ZBTB10: variants seen among roughly 807,000 people sequenced by gnomAD.
ZBTB10 encodes zinc finger and BTB domain-containing protein 10.
ZBTB10 carries 32 observed loss-of-function variants against 76.4 expected under a neutral mutation model. That is an observed-to-expected ratio of 0.42 (90% CI 0.32 to 0.56). ZBTB10 has a LOEUF of 0.56. Ranked by LOEUF, ZBTB10 falls within the 20% of genes least tolerant of loss-of-function variation. ZBTB10 has a pLI of 0.14. For missense variants in ZBTB10, 1,057 were observed against 1,098.5 expected (o/e 0.96, Z 0.53); for synonymous variants, 523 against 432.9 (o/e 1.21, Z -2.58).
At chr8:80,502,735 CAG>C (rs1815956290) in intron 2 of ZBTB10, among the ~76,000 whole-genome samples, 2 of 119,578 alleles carry the variant, frequency 1.7e-5, no homozygotes, top group Non-Finnish European at 3.2e-5. Context: ...AGGGCTAAAA[CAG>C]TAAAAAAAAA....
At chr8:80,488,261 C>T (rs1815533989) in intron 1 of ZBTB10, among the ~76,000 whole-genome samples, 1 of 152,086 alleles carries the variant, frequency 6.6e-6, no homozygotes, top group Admixed American at 6.6e-5. Flanking sequence ...GGAAAACGTC[C>T]AGCCGAAAAA....
chr8:80,502,990 G>GTTTGGATGTGGAATTTT, intron 2 of ZBTB10, among the ~76,000 whole-genome samples: 1 of 152,270 alleles, frequency 6.6e-6, no homozygotes, highest in African/African-American at 2.4e-5. Context: ...ATGGAATGTG[G>GTTTGGATGTGGAATTTT]TTTGGATGTG....
intron 1 of ZBTB10, among the ~76,000 whole-genome samples, chr8:80,494,329 G>A (rs1357024022): frequency 6.6e-6 from 1 of 152,158 alleles, no homozygotes; most frequent in Admixed American, 6.5e-5. Flanking sequence ...GACTACAGGT[G>A]TGCTGTTTGA....
intron 3 of ZBTB10, among the ~76,000 whole-genome samples, chr8:80,516,427 G>GCT (rs1174552042): frequency 6.6e-6 from 1 of 152,214 alleles, no homozygotes; most frequent in Non-Finnish European, 1.5e-5. Flanking sequence ...AGGCGCAGGA[G>GCT]TTTGTACTGA....
chr8:80,491,797 C>A (rs1367596127), intron 1 of ZBTB10, among the ~76,000 whole-genome samples: 1 of 152,220 alleles, frequency 6.6e-6, no homozygotes, highest in African/African-American at 2.4e-5. Context: ...AGACCACTTT[C>A]TACCTAATTG....
intron 5 of ZBTB10, 124 bp downstream of exon 5, chr8:80,519,078 T>C: frequency 2.1e-6 from 3 of 1,407,536 alleles, no homozygotes; most frequent in Non-Finnish European, 2.8e-6. Context: ...CTTTAAACAG[T>C]TTGACTTTAT....
Position 80,486,523 on chromosome 8 carries a change from C to G in ZBTB10, c.-288C>G, listed in dbSNP as rs1045161914. ...CGCTCCTCACCTCTCCGCCGCCCGC[C>G]CCCTTCTCCGCGCGGGACGCTGCCC... On this transcript the variant is annotated 5_prime_UTR_variant, in exon 1 of 6. Coordinates refer to ENST00000455036, the MANE Select transcript of ZBTB10 (RefSeq NM_001105539.3). 3 of 985,590 alleles carry G rather than the reference C, an allele frequency of 3.0e-6. No homozygotes were observed. Among genetic ancestry groups the G allele is most frequent in the Non-Finnish European group, 3.6e-6 (3 of 830,272 alleles). 61.1% of individuals were successfully genotyped at this position (985,590 alleles called of 1,614,324 possible).
chr8:80,487,469 G>T lies in ZBTB10; in HGVS notation c.659G>T (p.Gly220Val), dbSNP rs376200697. 2.0e-4 allele frequency: 305 copies of T among 1,551,540 alleles called. No individual in the cohort carries two copies. In the African/African-American group the frequency reaches 4.0e-3, roughly 20 times the overall value. The change falls in exon 1 of 6, where the codon GGC (glycine) becomes GTC (valine). Residue 220 changes from glycine to valine, a missense_variant. By Grantham distance (109) the Gly-to-Val change is moderately radical (BLOSUM62 -3). Transcript: ENST00000455036. ...SGGDGGDEVE[G>V]SGVGAGEGET... ...GGCGATGGCGGGGACGAAGTGGAGG[G>T]CAGCGGTGTGGGAGCTGGCGAAGGA...
rs1816427977 is a variant in ZBTB10 at position 80,520,579 on chromosome 8, TTATCATGAAAA to T, written c.*1053_*1063del. On this transcript the variant is annotated 3_prime_UTR_variant, in exon 6 of 6. Coordinates refer to ENST00000455036, the MANE Select transcript of ZBTB10 (RefSeq NM_001105539.3). ...TATCAGGTTTTTACCCGTGTCCCTTTTATCATGAAAATTAACACAAAATGTGCATTCTCTTT... is the reference window on the plus strand; with the variant it reads ...TATCAGGTTTTTACCCGTGTCCCTTTTTAACACAAAATGTGCATTCTCTTT... The T allele has an allele frequency of 6.6e-6, 1 of 152,430 alleles. No homozygotes were observed. Among genetic ancestry groups the T allele is most frequent in the Non-Finnish European group, 1.5e-5 (1 of 67,926 alleles). 9.4% of individuals were successfully genotyped at this position (152,430 alleles called of 1,614,324 possible). A position where few individuals can be genotyped will look rare whatever the true frequency, so the allele number is the denominator to read the frequency against.
Position 80,524,905 on chromosome 8 carries a change from C to T in ZBTB10, c.*5377C>T, listed in dbSNP as rs1816527078. ...TCATTTTGACAAAGGCAGTATTGAC[C>T]AGACATTTCTATTTCAGAGTTGGAT... On this transcript the variant is annotated 3_prime_UTR_variant, in exon 6 of 6. Transcript: ENST00000455036. The T allele has an allele frequency of 6.6e-6, 1 of 152,014 alleles. No homozygotes were observed. Among genetic ancestry groups the T allele is most frequent in the Admixed American group, 6.6e-5 (1 of 15,238 alleles). 9.4% of individuals were successfully genotyped at this position (152,014 alleles called of 1,614,324 possible).
upstream of ZBTB10, chr8:80,486,213 C>G: frequency 9.2e-7 from 1 of 1,088,338 alleles, no homozygotes; most frequent in Non-Finnish European, 1.1e-6. Flanking sequence ...TGTGGGCGCA[C>G]GGTCCGTTGT....
At chr8:80,509,803 A>G (rs10046715) in intron 2 of ZBTB10, among the ~76,000 whole-genome samples, 40,506 of 151,422 alleles carry the variant, frequency 0.27, 6,191 homozygotes, top group African/African-American at 0.42. Flanking sequence ...TTTTTAGGAG[A>G]TAGGGTCTTG....
At chr8:80,509,901 G>A (rs1284774495) in intron 2 of ZBTB10, among the ~76,000 whole-genome samples, 1 of 151,966 alleles carries the variant, frequency 6.6e-6, no homozygotes, top group Admixed American at 6.6e-5. Flanking sequence ...TCCTACCTTG[G>A]CTTCCTCCCA....
Position 80,487,138 on chromosome 8 carries a change from G to T in ZBTB10, c.328G>T (p.Ala110Ser). 1 of 1,513,858 alleles carries T rather than the reference G, an allele frequency of 6.6e-7. No homozygotes were observed. The allele number at this position is 1,513,858 out of a possible 1,614,324, so 93.8% of individuals were successfully genotyped here. A position where few individuals can be genotyped will look rare whatever the true frequency, so the allele number is the denominator to read the frequency against. Residue 110 changes from alanine to serine, a missense_variant, in exon 1 of 6, where the codon GCG (alanine) becomes TCG (serine). Around this residue, in one of 5 missense-constraint regions of ZBTB10, gnomAD observed 556 missense variants for 451.7 expected, o/e 1.23. Coordinates refer to ENST00000455036, the MANE Select transcript of ZBTB10 (RefSeq NM_001105539.3). ...AGGPTSLGGG[A>S]GGPLLAERNR... The stretch of plus-strand genomic sequence containing the variant: ...CGGCCCCACCTCGCTTGGCGGTGGC[G>T]CGGGGGGCCCCCTGCTAGCGGAAAG...
chr8:80,513,835 TC>T, intron 2 of ZBTB10, 74 bp from the exon 3 acceptor site: 1 of 1,148,562 alleles, frequency 8.7e-7, no homozygotes. Context: ...AAGAAACAGT[TC>T]CAAGAAAGAG....
rs1454086072 is a variant in ZBTB10 at position 80,493,201 on chromosome 8, GCGCGCGCACACACACACACACACACA to G, written c.972+5421_972+5446del. 7.5e-3 allele frequency among the ~76,000 whole-genome samples: 829 copies of G among 110,698 alleles called. 11 individuals are homozygous for G. The highest frequency in any genetic ancestry group is 0.028 in the African/African-American group (793 of 28,280). The allele number at this position is 110,698 out of a possible 152,430, so 72.6% of individuals were successfully genotyped here. On this transcript the variant is annotated intron_variant, in intron 1 of 5. Transcript: ENST00000455036. ...CAAGACTGTGCCTCAAAACGCGCGCGCGCGCGCACACACACACACACACACACACACACACACACACACAGCCTGAG... is the reference window on the plus strand; with the variant it reads ...CAAGACTGTGCCTCAAAACGCGCGCGCACACACACACACACACAGCCTGAG...
Position 80,519,578 on chromosome 8 carries a change from C to A in ZBTB10, c.*50C>A. The A allele has an allele frequency of 6.6e-7, 1 of 1,508,536 alleles. No homozygotes were observed. Among genetic ancestry groups the A allele is most frequent in the Non-Finnish European group, 8.9e-7 (1 of 1,120,412 alleles). 93.4% of individuals were successfully genotyped at this position (1,508,536 alleles called of 1,614,324 possible). ...TGCTGCATTTGGACCTAATATGAATCGACAATTTGGATTGTTGAACTTGAA... is the reference window on the plus strand; with the variant it reads ...TGCTGCATTTGGACCTAATATGAATAGACAATTTGGATTGTTGAACTTGAA... On this transcript the variant is annotated 3_prime_UTR_variant, in exon 6 of 6. Transcript: ENST00000455036.
At chr8:80,493,189 CAAA>C (rs1317752385) in intron 1 of ZBTB10, among the ~76,000 whole-genome samples, 6 of 134,512 alleles carry the variant, frequency 4.5e-5, no homozygotes, top group South Asian at 2.3e-4. Context: ...GACTGTGCCT[CAAA>C]ACGCGCGCGC....
chr8:80,487,248 G>C lies in ZBTB10; in HGVS notation c.438G>C (p.Ser146=). 6.4e-7 allele frequency: 1 copy of C among 1,550,488 alleles called. No individual in the cohort carries two copies. The change falls in exon 1 of 6, where the codon TCG becomes TCC. Residue 146 remains serine, a synonymous_variant. Transcript: ENST00000455036. ...GTAGCCGCGGCCGCCCCGAGACCTC[G>C]GTGTGGCCCTTGAGGCATTTCAATG... The part of the protein sequence containing the change: ...NGSSRGRPET[S]VWPLRHFNGR...
Sources: gnomAD v4.1 joint callset for allele counts (sites outside exome capture counted in the v4.1 genomes callset) on GRCh38, gnomAD v4.1.1 for gene constraint, gnomAD v4.1.1 regional missense constraint, MANE v1.5 for transcripts, NCBI Gene and HGNC (gene_info 2026-07-23, HGNC 2026-07-21) for gene names.